SORCS2: variants seen among roughly 807,000 people sequenced by gnomAD.
The protein encoded by SORCS2 is sortilin related VPS10 domain containing receptor 2.
Under a neutral mutation model 141.6 loss-of-function variants are expected in SORCS2, and 100 were observed. That is an observed-to-expected ratio of 0.71 (90% CI 0.60 to 0.83). The LOEUF is 0.83. Among genes scored for constraint, SORCS2 ranks in the 40% least tolerant of loss-of-function variants. SORCS2 has a pLI of 0.00. For synonymous variants in SORCS2, 789 were observed against 676.9 expected (o/e 1.17, Z -2.57); for missense variants, 1,646 against 1,560.2 (o/e 1.05, Z -0.93).
chr4:7,725,098 C>T, intron 19 of SORCS2, 56 bp from the exon 20 acceptor site: 3 of 1,566,038 alleles, frequency 1.9e-6, no homozygotes, highest in Non-Finnish European at 2.6e-6. Context: ...TAAGCAGCCT[C>T]TGAAATGCCC....
At chr4:7,280,872 G>A (rs928859307) in intron 1 of SORCS2, among the ~76,000 whole-genome samples, 1 of 152,204 alleles carries the variant, frequency 6.6e-6, no homozygotes. Flanking sequence ...CCTGGTACCC[G>A]GTGAGGGCTT....
chr4:7,545,504 C>T (rs931829994), intron 3 of SORCS2, among the ~76,000 whole-genome samples: 12 of 152,102 alleles, frequency 7.9e-5, no homozygotes, highest in African/African-American at 2.7e-4. Flanking sequence ...TGCCCATGGG[C>T]GTAAGCAGCA....
chr4:7,693,233 A>G (rs147002680), intron 11 of SORCS2, among the ~76,000 whole-genome samples: 12 of 151,498 alleles, frequency 7.9e-5, no homozygotes, highest in African/African-American at 1.5e-4. Context: ...TCTTCCTTTC[A>G]ATAGACTAGG....
chr4:7,211,154 G>A (rs951865001), intron 1 of SORCS2, among the ~76,000 whole-genome samples: 1 of 141,244 alleles, frequency 7.1e-6, no homozygotes, highest in African/African-American at 2.6e-5. Flanking sequence ...CAAAAATTTC[G>A]CTTAAACCTT....
chr4:7,481,185 C>A (rs933189333), intron 2 of SORCS2, among the ~76,000 whole-genome samples: 3 of 152,252 alleles, frequency 2.0e-5, no homozygotes, highest in Non-Finnish European at 1.5e-5. Flanking sequence ...CACAGACTTT[C>A]CTGAGTGGCA....
At chr4:7,419,852 C>T (rs986448536) in intron 2 of SORCS2, among the ~76,000 whole-genome samples, 2 of 152,182 alleles carry the variant, frequency 1.3e-5, no homozygotes, top group African/African-American at 2.4e-5. Context: ...GCAAACAGCC[C>T]CAGTGATTCA....
intron 1 of SORCS2, among the ~76,000 whole-genome samples, chr4:7,220,454 C>A (rs1728637830): frequency 6.6e-6 from 1 of 152,002 alleles, no homozygotes; most frequent in Non-Finnish European, 1.5e-5. Context: ...GAAGTCCTGG[C>A]AGGGGGAGAA....
Position 7,295,144 on chromosome 4 carries a change from C to G in SORCS2, c.481-101144C>G, listed in dbSNP as rs865965107. Among the ~76,000 whole-genome samples, 55 of 39,106 alleles carry G rather than the reference C, an allele frequency of 1.4e-3. 1 individual carries two copies. Among genetic ancestry groups the G allele is most frequent in the African/African-American group, 6.3e-3 (48 of 7,588 alleles). The allele number at this position is 39,106 out of a possible 152,430, so 25.7% of individuals were successfully genotyped here. ...TCCTCTTCCTCCTCCCCCTCCTCCT[C>G]TCCCTCCTCCTCCCTTTTATTTTCT... On this transcript the variant is annotated intron_variant, in intron 1 of 26. Coordinates refer to ENST00000507866, the MANE Select transcript of SORCS2 (RefSeq NM_020777.3).
At chr4:7,249,159 T>A (rs1438187422) in intron 1 of SORCS2, among the ~76,000 whole-genome samples, 1 of 152,330 alleles carries the variant, frequency 6.6e-6, no homozygotes, top group Admixed American at 6.5e-5. Context: ...TTGCTTGTGT[T>A]CAGATGGTGG....
chr4:7,685,256 AT>A (rs1240061676), intron 10 of SORCS2, among the ~76,000 whole-genome samples: 1 of 152,232 alleles, frequency 6.6e-6, no homozygotes, highest in Non-Finnish European at 1.5e-5. Context: ...TGGCCTTGAA[AT>A]AATGAAATGG....
chr4:7,587,274 T>G (rs1214088769), intron 3 of SORCS2, among the ~76,000 whole-genome samples: 1 of 152,208 alleles, frequency 6.6e-6, no homozygotes, highest in Admixed American at 6.5e-5. Flanking sequence ...GATCTTGCGC[T>G]AAGCCACAGC....
Position 7,193,173 on chromosome 4 carries a change from C to T in SORCS2, c.480+47C>T. ...GCCGCGGCCCCTACCCGGGACACCG[C>T]GGGACACCCGGGCGGGACCGCCACG... On this transcript the variant is annotated intron_variant, in intron 1 of 26. Coordinates refer to ENST00000507866, the MANE Select transcript of SORCS2 (RefSeq NM_020777.3). The surrounding 1 kb of genome is among the most constrained non-coding windows in gnomAD (Gnocchi z 4.8). 2 of 1,437,770 alleles carry T rather than the reference C, an allele frequency of 1.4e-6. No homozygotes were observed. Among genetic ancestry groups the T allele is most frequent in the Non-Finnish European group, 1.8e-6 (2 of 1,099,538 alleles). 89.1% of individuals were successfully genotyped at this position (1,437,770 alleles called of 1,614,324 possible). A position where few individuals can be genotyped will look rare whatever the true frequency, so the allele number is the denominator to read the frequency against.
At chr4:7,520,314 G>T (rs187482936) in intron 2 of SORCS2, among the ~76,000 whole-genome samples, 1 of 152,348 alleles carries the variant, frequency 6.6e-6, no homozygotes, top group East Asian at 1.9e-4. Flanking sequence ...TCGCTGAAAA[G>T]GACCAATTCT....
chr4:7,650,714 C>T (rs1295656863), intron 4 of SORCS2, among the ~76,000 whole-genome samples: 1 of 69,720 alleles, frequency 1.4e-5, no homozygotes, highest in African/African-American at 5.3e-5. Flanking sequence ...CCAGCCCTCT[C>T]TCCCCGCCCC....
chr4:7,640,088 A>C lies in SORCS2; in HGVS notation c.813+1596A>C, dbSNP rs1051354232. Among the ~76,000 whole-genome samples the C allele has an allele frequency of 2.0e-5, 3 of 147,914 alleles. No individual in the cohort carries two copies. The Admixed American group carries it at 2.0e-4, about 10-fold the overall frequency. ...GTTTATGAGTGTGAAACAGCATGTC[A>C]GTGTGTGCTTGTAGGTGTGTGTAAG... On this transcript the variant is annotated intron_variant, in intron 4 of 26. Transcript: ENST00000507866.
At chr4:7,288,592 AGAGAGAG>A (rs1210455352) in intron 1 of SORCS2, among the ~76,000 whole-genome samples, 59 of 147,536 alleles carry the variant, frequency 4.0e-4, no homozygotes, top group African/African-American at 1.0e-3. Context: ...GAGGAGGAGA[AGAGAGAG>A]GAGAGAGGAG....
At chr4:7,196,246 C>G (rs1727159932) in intron 1 of SORCS2, among the ~76,000 whole-genome samples, 2 of 152,166 alleles carry the variant, frequency 1.3e-5, no homozygotes, top group South Asian at 4.1e-4. Flanking sequence ...TTTTATGGAT[C>G]TAGAGTGGGC....
chr4:7,704,265 G>A lies in SORCS2; in HGVS notation c.1849G>A (p.Asp617Asn), dbSNP rs779140664. The A allele has an allele frequency of 1.9e-6, 3 of 1,612,092 alleles. No homozygotes were observed. Among genetic ancestry groups the A allele is most frequent in the South Asian group, 1.1e-5 (1 of 90,402 alleles). ...GGACGGGCTGCTGAGTGAGCCAGGGGACGAGACGCTGGTCATGACGTGAGT... is the reference window on the plus strand; with the variant it reads ...GGACGGGCTGCTGAGTGAGCCAGGGAACGAGACGCTGGTCATGACGTGAGT... Reference protein sequence around the residue: ...FVDGLLSEPGDETLVMTVFGH... With the variant: ...FVDGLLSEPGNETLVMTVFGH... The change falls in exon 14 of 27, where the codon GAC becomes AAC. Residue 617 changes from aspartate (D) to asparagine (N), a missense_variant. Transcript: ENST00000507866.
chr4:7,573,618 A>C lies in SORCS2; in HGVS notation c.648+41989A>C, dbSNP rs62277485. On this transcript the variant is annotated intron_variant, in intron 3 of 26. Transcript: ENST00000507866. ...CTGCAACCTCTGCCTCCCAGGCTCAAGTGATTCTCCTGCCTCAGCCCCCTG... is the reference window on the plus strand; with the variant it reads ...CTGCAACCTCTGCCTCCCAGGCTCACGTGATTCTCCTGCCTCAGCCCCCTG... 9.7e-3 allele frequency among the ~76,000 whole-genome samples: 1,470 copies of C among 152,266 alleles called. 23 individuals are homozygous for C. The highest frequency in any genetic ancestry group is 0.013 in the Non-Finnish European group (903 of 68,020).
Sources: allele counts gnomAD v4.1 joint callset (sites outside exome capture counted in the v4.1 genomes callset), GRCh38; gene constraint gnomAD v4.1.1; non-coding constraint Gnocchi (gnomAD v3.1); transcripts MANE v1.5; gene names NCBI Gene and HGNC (gene_info 2026-07-23, HGNC 2026-07-21).